Variants in ULK4 observed in about 807,000 individuals in gnomAD.
ULK4 encodes the protein unc-51 like kinase 4, also known as inactive serine/threonine-protein kinase ULK4.
Under a neutral mutation model 160.6 loss-of-function variants are expected in ULK4, and 133 were observed. The observed-to-expected ratio is 0.83, with a 90% confidence interval of 0.72 to 0.96. The LOEUF (loss-of-function observed/expected upper bound fraction) is 0.96. Among genes scored for constraint, ULK4 ranks in the 40% least tolerant of loss-of-function variants. The probability of loss-of-function intolerance (pLI) is 0.00; values close to 1 mark genes in which losing one functional copy is unlikely to be tolerated. For synonymous variants in ULK4, 534 were observed against 539.8 expected (o/e 0.99, Z 0.15); for missense variants, 1,580 against 1,499.5 (o/e 1.05, Z -0.89).
intron 30 of ULK4, among the ~76,000 whole-genome samples, chr3:41,652,880 G>A (rs1217577643): frequency 6.6e-6 from 1 of 152,206 alleles, no homozygotes; most frequent in Non-Finnish European, 1.5e-5. Context: ...ACCAGGAGAT[G>A]TGAACCCAAA....
At chr3:41,553,184 T>C (rs188158512) in intron 32 of ULK4, among the ~76,000 whole-genome samples, 3 of 152,174 alleles carry the variant, frequency 2.0e-5, no homozygotes, top group Non-Finnish European at 2.9e-5. Context: ...CTTCAGGACA[T>C]TGGTCTAGGC....
chr3:41,329,549 CTTATT>C (rs2080402993), intron 35 of ULK4, among the ~76,000 whole-genome samples: 1 of 152,146 alleles, frequency 6.6e-6, no homozygotes, highest in South Asian at 2.1e-4. Flanking sequence ...CTTTTCTGAA[CTTATT>C]TTGTTACGTT....
intron 19 of ULK4, among the ~76,000 whole-genome samples, chr3:41,800,771 A>C (rs967917066): frequency 9.8e-5 from 15 of 152,348 alleles, no homozygotes; most frequent in East Asian, 5.8e-4. Flanking sequence ...GAGAGTCCTA[A>C]GAAAGGTATT....
intron 30 of ULK4, among the ~76,000 whole-genome samples, chr3:41,625,221 G>A (rs2033443033): frequency 6.6e-6 from 1 of 152,174 alleles, no homozygotes. Context: ...GTATTGTTCT[G>A]TAATGTACTG....
intron 19 of ULK4, among the ~76,000 whole-genome samples, chr3:41,817,675 G>C (rs2041016156): frequency 1.3e-5 from 2 of 152,064 alleles, no homozygotes; most frequent in Admixed American, 1.3e-4. Context: ...TGGATACTAT[G>C]CTCACTACCT....
intron 30 of ULK4, among the ~76,000 whole-genome samples, chr3:41,621,406 C>T (rs2033239103): frequency 6.6e-6 from 1 of 152,008 alleles, no homozygotes; most frequent in South Asian, 2.1e-4. Flanking sequence ...GGTGCTGGTA[C>T]CAAAACAGAT....
chr3:41,384,287 C>A (rs2081745369), intron 35 of ULK4, among the ~76,000 whole-genome samples: 1 of 151,848 alleles, frequency 6.6e-6, no homozygotes, highest in African/African-American at 2.4e-5. Context: ...ACAAGTGACT[C>A]AGGCTTTTCA....
At chr3:41,287,409 C>G (rs1220305655) in intron 35 of ULK4, among the ~76,000 whole-genome samples, 1 of 152,142 alleles carries the variant, frequency 6.6e-6, no homozygotes, top group Admixed American at 6.5e-5. Context: ...AACGCAGCTT[C>G]CTCTGTTTTC....
rs776627434 is a variant in ULK4, at chr3:41,873,238, T to TTTTTTTTA, written c.1656+10635_1656+10636insTAAAAAAA. Reference sequence around the variant, plus strand: ...GAGTTGCCTTTCTTTTTTTTTTTTTTTTTTTGAAAATGCCCCATTTTTCTA... The same window carrying TTTTTTTTA: ...GAGTTGCCTTTCTTTTTTTTTTTTTTTTTTTTTATTTTTGAAAATGCCCCATTTTTCTA... On this transcript the variant is annotated intron_variant, in intron 17 of 36. Transcript: ENST00000301831. Among the ~76,000 whole-genome samples, 34 of 148,910 alleles carry TTTTTTTTA rather than the reference T, an allele frequency of 2.3e-4. No individual in the cohort carries two copies. In the Middle Eastern group the frequency reaches 0.011, roughly 47 times the overall value.
At chr3:41,826,884 T>C (rs1428693523) in intron 18 of ULK4, among the ~76,000 whole-genome samples, 2 of 143,184 alleles carry the variant, frequency 1.4e-5, no homozygotes, top group African/African-American at 2.8e-5. Context: ...ACACACCTAT[T>C]CCAAAAGTGA....
intron 32 of ULK4, among the ~76,000 whole-genome samples, chr3:41,488,979 T>G (rs57400213): frequency 6.6e-6 from 1 of 152,186 alleles, no homozygotes; most frequent in East Asian, 1.9e-4. Context: ...CAGGAGCCCC[T>G]CTTGGTGAGC....
intron 35 of ULK4, among the ~76,000 whole-genome samples, chr3:41,382,672 C>T (rs1307148295): frequency 1.3e-5 from 2 of 152,012 alleles, no homozygotes; most frequent in Admixed American, 6.6e-5. Flanking sequence ...AACAAGAGGT[C>T]GTACTTTACA....
At chr3:41,255,859 A>G (rs1390055050) in intron 35 of ULK4, among the ~76,000 whole-genome samples, 1 of 152,242 alleles carries the variant, frequency 6.6e-6, no homozygotes, top group Non-Finnish European at 1.5e-5. Context: ...AACAAGAGTA[A>G]CAGAATTGAC....
intron 35 of ULK4, among the ~76,000 whole-genome samples, chr3:41,338,756 C>CAT (rs907216581): frequency 4.6e-5 from 7 of 151,468 alleles, no homozygotes; most frequent in African/African-American, 1.5e-4. Flanking sequence ...ATCTATATCA[C>CAT]ATATATATAT....
At chr3:41,256,754 T>C (rs561043213) in intron 35 of ULK4, among the ~76,000 whole-genome samples, 1 of 152,312 alleles carries the variant, frequency 6.6e-6, no homozygotes, top group South Asian at 2.1e-4. Flanking sequence ...AACTTTACTT[T>C]TTGAAAACAT....
intron 19 of ULK4, among the ~76,000 whole-genome samples, chr3:41,814,590 T>C (rs1575755566): frequency 6.6e-6 from 1 of 152,202 alleles, no homozygotes; most frequent in Non-Finnish European, 1.5e-5. Flanking sequence ...TACTGAGATA[T>C]GTGTTTAAAT....
chr3:41,736,173 G>C (rs1477844418), intron 22 of ULK4, among the ~76,000 whole-genome samples: 1 of 151,604 alleles, frequency 6.6e-6, no homozygotes, highest in African/African-American at 2.4e-5. Flanking sequence ...TGTCTTTATA[G>C]CAGCATGATT....
chr3:41,528,841 C>T (rs527549931), intron 32 of ULK4, among the ~76,000 whole-genome samples: 2 of 152,110 alleles, frequency 1.3e-5, no homozygotes, highest in South Asian at 2.1e-4. Context: ...TGTTGTTGTC[C>T]AAGAAAGAAG....
intron 34 of ULK4, among the ~76,000 whole-genome samples, chr3:41,453,719 G>C (rs556202717): frequency 1.3e-5 from 2 of 151,874 alleles, no homozygotes; most frequent in Non-Finnish European, 2.9e-5. Context: ...CATGCAATAC[G>C]GTCTTGCATT....
Sources: gnomAD v4.1 joint callset for allele counts (sites outside exome capture counted in the v4.1 genomes callset) on GRCh38, gnomAD v4.1.1 for gene constraint, MANE v1.5 for transcripts, NCBI Gene and HGNC (gene_info 2026-07-23, HGNC 2026-07-21) for gene names.